The following DDHD1 variants were observed in gnomAD, a reference collection of about 807,000 sequenced individuals.
DDHD1 encodes the protein phospholipase DDHD1.
Under a neutral mutation model 96.4 loss-of-function variants are expected in DDHD1, and 49 were observed. The ratio of observed to expected loss-of-function variants is 0.51; its 90% CI spans 0.40 to 0.64. The LOEUF (loss-of-function observed/expected upper bound fraction) is 0.64. Ranked by LOEUF, DDHD1 falls within the 30% of genes least tolerant of loss-of-function variation. The pLI is 0.00. For missense variants in DDHD1, 1,106 were observed against 1,161.2 expected, an observed-to-expected ratio of 0.95 and a Z score of 0.69; for synonymous variants, 442 against 446.5, an observed-to-expected ratio of 0.99 and a Z score of 0.13.
In DDHD1 at chr14:53,037,446, A is replaced by C. The variant is rs1881343184; in HGVS notation, c.*9322T>G. On this transcript the variant is annotated 3_prime_UTR_variant, in exon 13 of 13. Transcript: ENST00000673822. ...AGACTTCTTTACAATAGCCATTCTAACTGGTGTGAGATGGTATCTTATTGT... is the reference window on the plus strand; with the variant it reads ...AGACTTCTTTACAATAGCCATTCTACCTGGTGTGAGATGGTATCTTATTGT... 6.6e-6 allele frequency: 1 copy of C among 152,062 alleles called. No individual in the cohort carries two copies. The highest frequency in any genetic ancestry group is 6.6e-5 in the Admixed American group (1 of 15,256). The allele number at this position is 152,062 out of a possible 1,614,324, so 9.4% of individuals were successfully genotyped here. A position where few individuals can be genotyped will look rare whatever the true frequency, so the allele number is the denominator to read the frequency against.
chr14:53,080,717 CTT>C (rs1555334173), intron 4 of DDHD1, among the ~76,000 whole-genome samples: 2 of 89,538 alleles, frequency 2.2e-5, no homozygotes, highest in Non-Finnish European at 4.3e-5. Context: ...TTCCTTCCCC[CTT>C]TTTTTTTTTT....
At chr14:53,094,194 A>G (rs1318862659) in intron 2 of DDHD1, among the ~76,000 whole-genome samples, 1 of 152,044 alleles carries the variant, frequency 6.6e-6, no homozygotes, top group Non-Finnish European at 1.5e-5. Flanking sequence ...AAAAGAAAAA[A>G]ATTTCACTAA....
chr14:53,141,292 C>A (rs1183813214), intron 1 of DDHD1, among the ~76,000 whole-genome samples: 2 of 152,064 alleles, frequency 1.3e-5, no homozygotes, highest in South Asian at 2.1e-4. Context: ...GAAATGCATC[C>A]TTGGATTGAC....
intron 6 of DDHD1, 24 bp downstream of exon 6, chr14:53,072,573 C>A: frequency 1.5e-6 from 2 of 1,373,874 alleles, no homozygotes; most frequent in African/African-American, 1.4e-5. Flanking sequence ...AAATACCCAC[C>A]AGCAAGATAA....
At chr14:53,069,440 G>A (rs1228020985) in intron 6 of DDHD1, among the ~76,000 whole-genome samples, 1 of 152,174 alleles carries the variant, frequency 6.6e-6, no homozygotes, top group East Asian at 1.9e-4. Flanking sequence ...CTTCATGTCT[G>A]TGTGCATTTT....
intron 1 of DDHD1, among the ~76,000 whole-genome samples, chr14:53,140,794 T>A (rs1322036155): frequency 6.6e-6 from 1 of 152,056 alleles, no homozygotes; most frequent in East Asian, 1.9e-4. Flanking sequence ...AAGGCAGAGG[T>A]TGTCAGAATG....
intron 1 of DDHD1, among the ~76,000 whole-genome samples, chr14:53,143,088 G>T (rs1437302016): frequency 1.3e-5 from 2 of 152,308 alleles, no homozygotes; most frequent in East Asian, 3.9e-4. Context: ...AATCACAAGA[G>T]GTAGATAGTA....
At chr14:53,133,486 T>A (rs1358182214) in intron 1 of DDHD1, among the ~76,000 whole-genome samples, 2 of 152,202 alleles carry the variant, frequency 1.3e-5, no homozygotes, top group Non-Finnish European at 2.9e-5. Flanking sequence ...CAATGGAAAC[T>A]TCGTGCTCCT....
intron 6 of DDHD1, 128 bp from the exon 7 acceptor site, chr14:53,063,333 T>A: frequency 1.8e-6 from 2 of 1,098,680 alleles, no homozygotes; most frequent in Non-Finnish European, 2.5e-6. Flanking sequence ...TTATTAAAAT[T>A]AACTTAGGTC....
intron 5 of DDHD1, 103 bp from the exon 6 acceptor site, chr14:53,072,806 G>C: frequency 1.7e-6 from 1 of 581,228 alleles, no homozygotes; most frequent in Non-Finnish European, 2.9e-6. Flanking sequence ...AACTATTTAA[G>C]TTAACATTTA....
chr14:53,144,957 C>A (rs1168797033), intron 1 of DDHD1, among the ~76,000 whole-genome samples: 1 of 152,034 alleles, frequency 6.6e-6, no homozygotes, highest in African/African-American at 2.4e-5. Context: ...CAAGACCAGG[C>A]TTACCAACAT....
chr14:53,142,597 T>A (rs1890715150), intron 1 of DDHD1, among the ~76,000 whole-genome samples: 1 of 152,218 alleles, frequency 6.6e-6, no homozygotes, highest in Admixed American at 6.5e-5. Flanking sequence ...GCTCTGGGGA[T>A]AAAGTTGGTA....
intron 4 of DDHD1, among the ~76,000 whole-genome samples, chr14:53,084,913 C>T (rs941090481): frequency 6.6e-6 from 1 of 152,256 alleles, no homozygotes; most frequent in Non-Finnish European, 1.5e-5. Context: ...AATCGAGACA[C>T]TGCCACTTAA....
chr14:53,058,597 T>G lies in DDHD1; in HGVS notation c.1872A>C (p.Pro624=). Residue 624 remains proline (P), a synonymous_variant, in exon 9 of 13, where the codon CCA becomes CCC. Transcript: ENST00000673822. The stretch of plus-strand genomic sequence containing the variant: ...CACGCAACGCCAAGAAAACTGCTAA[T>G]GGGGATCCCATACAGAAGAAATTCT... ...KVENFFCMGS[P]LAVFLALRGI... 1 of 1,613,214 alleles carries G rather than the reference T, an allele frequency of 6.2e-7. No homozygotes were observed. Among genetic ancestry groups the G allele is most frequent in the Non-Finnish European group, 8.5e-7 (1 of 1,179,724 alleles).
In DDHD1 at chr14:53,119,113, TGA is replaced by T. The variant is rs1888782645; in HGVS notation, c.839-15259_839-15258del. Among the ~76,000 whole-genome samples the T allele has an allele frequency of 4.6e-5, 7 of 152,300 alleles. No individual in the cohort carries two copies. In the South Asian group the frequency reaches 1.5e-3, roughly 32 times the overall value. On this transcript the variant is annotated intron_variant, in intron 1 of 12. Coordinates refer to ENST00000673822, the MANE Select transcript of DDHD1 (RefSeq NM_001160148.2). Reference sequence around the variant, plus strand: ...AAATCCTTTACAGACAAGCAAATGCTGAGAGATTTTGTTATCCCTAGGCCTGC... The same window carrying T: ...AAATCCTTTACAGACAAGCAAATGCTGAGATTTTGTTATCCCTAGGCCTGC...
At chr14:53,061,370 AT>A in intron 7 of DDHD1, 169 bp from the exon 8 acceptor site, 1 of 502,928 alleles carries the variant, frequency 2.0e-6, no homozygotes, top group Non-Finnish European at 3.3e-6. Flanking sequence ...CAGAAAGTAT[AT>A]AAAAATTTAT....
In DDHD1 at chr14:53,045,468, C is replaced by G. The variant is rs1881943262; in HGVS notation, c.*1300G>C. 6.6e-6 allele frequency: 1 copy of G among 152,268 alleles called. No individual in the cohort carries two copies. Among genetic ancestry groups the G allele is most frequent in the Non-Finnish European group, 1.5e-5 (1 of 68,084 alleles). The allele number at this position is 152,268 out of a possible 1,614,324, so 9.4% of individuals were successfully genotyped here. A position where few individuals can be genotyped will look rare whatever the true frequency, so the allele number is the denominator to read the frequency against. On this transcript the variant is annotated 3_prime_UTR_variant, in exon 13 of 13. Coordinates refer to ENST00000673822, the MANE Select transcript of DDHD1 (RefSeq NM_001160148.2). ...TGAAATCCTGGGCTCAAGAGATCCT[C>G]CCATCTTGGCCTCCCGAAGTGTTGG...
chr14:53,061,006 T>A, intron 8 of DDHD1, 120 bp downstream of exon 8: 1 of 954,642 alleles, frequency 1.0e-6, no homozygotes, highest in Non-Finnish European at 1.6e-6. Context: ...TAGTATATGT[T>A]GAATAAATAT....
chr14:53,074,308 T>G (rs1360754336), intron 4 of DDHD1, among the ~76,000 whole-genome samples: 3 of 151,810 alleles, frequency 2.0e-5, no homozygotes, highest in Non-Finnish European at 4.4e-5. Context: ...TATATAAATT[T>G]TAGCACATGT....
Sources: gnomAD v4.1 joint callset for allele counts (sites outside exome capture counted in the v4.1 genomes callset) on GRCh38, gnomAD v4.1.1 for gene constraint, MANE v1.5 for transcripts, NCBI Gene and HGNC (gene_info 2026-07-23, HGNC 2026-07-21) for gene names.